Variants in MAP3K9 observed in about 807,000 individuals in gnomAD.
MAP3K9 encodes mitogen-activated protein kinase kinase kinase 9, also known as mixed lineage kinase 1 (tyr and ser/thr specificity).
MAP3K9 carries 46 observed loss-of-function variants against 95.8 expected under a neutral mutation model. That is an observed-to-expected ratio of 0.48 (90% CI 0.38 to 0.61). MAP3K9 has a LOEUF of 0.61. MAP3K9 is among the 20% of genes least tolerant of loss of function. The pLI, the probability that MAP3K9 is intolerant of heterozygous loss-of-function variation, is 0.00. For synonymous variants in MAP3K9, 533 were observed against 593.8 expected (o/e 0.90, Z 1.49); for missense variants, 1,296 against 1,474.3 (o/e 0.88, Z 1.98).
Position 70,809,307 on chromosome 14 carries a change from G to A in MAP3K9, c.-136C>T. 1 of 1,118,038 alleles carries A rather than the reference G, an allele frequency of 8.9e-7. No homozygotes were observed. The highest frequency in any genetic ancestry group is 1.1e-6 in the Non-Finnish European group (1 of 882,590). The allele number at this position is 1,118,038 out of a possible 1,614,324, so 69.3% of individuals were successfully genotyped here. On this transcript the variant is annotated 5_prime_UTR_variant, in exon 1 of 12. Transcript: ENST00000554752. ...CCGCAGGTAGGGCCCGGGCTGGCAG[G>A]GCTGGGAGAGCCGGCTCGCCGGCGC...
At chr14:70,762,216 T>C (rs1401473834) in intron 2 of MAP3K9, among the ~76,000 whole-genome samples, 2 of 152,194 alleles carry the variant, frequency 1.3e-5, no homozygotes, top group Admixed American at 6.5e-5. Context: ...TGTGTATACA[T>C]ATATTTGTAT....
At position 70,732,735 on chromosome 14, in the gene MAP3K9, G is replaced by C. The variant is rs3829955; in HGVS notation, c.2634C>G (p.Asn878Lys). The C allele has an allele frequency of 1.2e-6, 2 of 1,605,656 alleles. No individual in the cohort carries two copies. The highest frequency in any genetic ancestry group is 1.7e-6 in the Non-Finnish European group (2 of 1,174,044). ...EAPPLSPCTH[N>K]PLVNVRVERF... Reference sequence around the variant, plus strand: ...GCTCTACTCGGACATTGACCAGGGGGTTGTGGGTACATGGACTCAGGGGAG... The same window carrying C: ...GCTCTACTCGGACATTGACCAGGGGCTTGTGGGTACATGGACTCAGGGGAG... Residue 878 changes from asparagine (N) to lysine (K), a missense_variant, in exon 11 of 12, where the codon AAC becomes AAG. Coordinates refer to ENST00000554752, the MANE Select transcript of MAP3K9 (RefSeq NM_001284230.2).
At chr14:70,766,918 A>C (rs1385067239) in intron 2 of MAP3K9, among the ~76,000 whole-genome samples, 2 of 152,206 alleles carry the variant, frequency 1.3e-5, no homozygotes, top group Non-Finnish European at 2.9e-5. Context: ...CACATAATCT[A>C]ACACTATATG....
intron 8 of MAP3K9, among the ~76,000 whole-genome samples, chr14:70,737,787 G>C (rs2054005553): frequency 6.6e-6 from 1 of 152,216 alleles, no homozygotes; most frequent in African/African-American, 2.4e-5. Context: ...CACCCTGGCA[G>C]AACTTTTTAC....
intron 2 of MAP3K9, among the ~76,000 whole-genome samples, chr14:70,793,652 T>TTTCATTCA (rs10672359): frequency 0.072 from 10,823 of 150,460 alleles, 420 homozygotes; most frequent in Admixed American, 0.099. Flanking sequence ...TCACATGATA[T>TTTCATTCA]TTCATTCATT....
At chr14:70,772,547 T>A (rs1346030366) in intron 2 of MAP3K9, among the ~76,000 whole-genome samples, 1 of 152,190 alleles carries the variant, frequency 6.6e-6, no homozygotes, top group Non-Finnish European at 1.5e-5. Context: ...CCAAAAGGTG[T>A]CTGCTTAAAT....
At chr14:70,747,469 T>G (rs548793025) in intron 5 of MAP3K9, among the ~76,000 whole-genome samples, 8 of 152,364 alleles carry the variant, frequency 5.3e-5, no homozygotes, top group African/African-American at 1.9e-4. Flanking sequence ...TTAAACCTTT[T>G]TCCTTTATAA....
At chr14:70,786,305 A>G (rs572320727) in intron 2 of MAP3K9, among the ~76,000 whole-genome samples, 1 of 152,280 alleles carries the variant, frequency 6.6e-6, no homozygotes, top group Admixed American at 6.5e-5. Context: ...AACTGTGCCA[A>G]TAACAGGGAG....
intron 2 of MAP3K9, among the ~76,000 whole-genome samples, chr14:70,766,771 C>T (rs2054460916): frequency 6.6e-6 from 1 of 152,138 alleles, no homozygotes; most frequent in Non-Finnish European, 1.5e-5. Context: ...ACCTTTGTGC[C>T]ATGCCGTACA....
Position 70,734,504 on chromosome 14 carries a change from T to G in MAP3K9, c.1914-6A>C. ...CATCTACCAGGGACTTGAGGCTGAA[T>G]CAGAGGAAAAGAGGAAACTGTCAGA... On this transcript the variant is annotated splice_region_variant and splice_polypyrimidine_tract_variant and intron_variant, in intron 9 of 11. Transcript: ENST00000554752. 6.5e-7 allele frequency: 1 copy of G among 1,548,146 alleles called. No homozygotes were observed. Among genetic ancestry groups the G allele is most frequent in the Non-Finnish European group, 8.9e-7 (1 of 1,123,052 alleles).
chr14:70,768,567 TGACTTTC>T lies in MAP3K9; in HGVS notation c.821-7392_821-7386del, dbSNP rs2054489018. Among the ~76,000 whole-genome samples, 3 of 152,284 alleles carry T rather than the reference TGACTTTC, an allele frequency of 2.0e-5. No homozygotes were observed. The East Asian group carries it at 5.8e-4, about 29-fold the overall frequency. On this transcript the variant is annotated intron_variant, in intron 2 of 11. Transcript: ENST00000554752. ...CCTCCATTTACACAAAAAAGCTGAA[TGACTTTC>T]TTTGGGATTCAATGTTGCTTAATGC...
chr14:70,762,756 CTTTA>C (rs998536413), intron 2 of MAP3K9, among the ~76,000 whole-genome samples: 11 of 152,138 alleles, frequency 7.2e-5, no homozygotes, highest in African/African-American at 2.2e-4. Context: ...ATGAAGTCCA[CTTTA>C]TTTTTTTATT....
intron 1 of MAP3K9, among the ~76,000 whole-genome samples, chr14:70,801,699 C>T (rs1468681274): frequency 6.6e-6 from 1 of 152,192 alleles, no homozygotes; most frequent in Non-Finnish European, 1.5e-5. Context: ...AGGAAAATCA[C>T]TAGCTCCCAC....
intron 2 of MAP3K9, among the ~76,000 whole-genome samples, chr14:70,764,025 AAT>A (rs1353733664): frequency 6.1e-5 from 9 of 148,390 alleles, no homozygotes; most frequent in Non-Finnish European, 1.2e-4. Context: ...CTCTACTAAA[AAT>A]ACAAAAAAAT....
At chr14:70,756,149 T>C (rs1205290556) in intron 3 of MAP3K9, among the ~76,000 whole-genome samples, 1 of 152,212 alleles carries the variant, frequency 6.6e-6, no homozygotes, top group African/African-American at 2.4e-5. Context: ...GCAATGGCCT[T>C]GTCTTTCCCT....
At chr14:70,751,296 A>G (rs1446505570) in intron 3 of MAP3K9, among the ~76,000 whole-genome samples, 1 of 152,272 alleles carries the variant, frequency 6.6e-6, no homozygotes, top group Non-Finnish European at 1.5e-5. Context: ...TCCAGGAATA[A>G]GTCAGGACAA....
chr14:70,742,044 T>C (rs2054077524), intron 6 of MAP3K9, among the ~76,000 whole-genome samples: 1 of 152,206 alleles, frequency 6.6e-6, no homozygotes, highest in Non-Finnish European at 1.5e-5. Context: ...AACTTCATGC[T>C]TCCTTCTCCA....
chr14:70,796,562 A>G (rs2054866483), intron 2 of MAP3K9, among the ~76,000 whole-genome samples: 2 of 152,200 alleles, frequency 1.3e-5, no homozygotes, highest in Non-Finnish European at 2.9e-5. Flanking sequence ...CCAGCATAAA[A>G]GCCTCCATCT....
Sources: allele counts gnomAD v4.1 joint callset (sites outside exome capture counted in the v4.1 genomes callset), GRCh38; gene constraint gnomAD v4.1.1; transcripts MANE v1.5; gene names NCBI Gene and HGNC (gene_info 2026-07-23, HGNC 2026-07-21).